Variants in PRP4K observed in about 807,000 individuals in gnomAD.
The protein encoded by PRP4K is pre-mRNA processing factor kinase PRP4K.
chr6:4,054,753 C>T, the PRP4K span, among the ~76,000 whole-genome samples: 11 of 151,978 alleles, frequency 7.2e-5, no homozygotes, highest in Non-Finnish European at 1.3e-4. Flanking sequence ...ATCTGCCCGC[C>T]TCGTCCTCCC....
chr6:4,025,586 A>G, the PRP4K span, among the ~76,000 whole-genome samples: 1 of 152,326 alleles, frequency 6.6e-6, no homozygotes, highest in East Asian at 1.9e-4. Flanking sequence ...TCTTGAGATA[A>G]TACTCATTAA....
At chr6:4,050,015 G>GTT in the PRP4K span, 4 of 27,300 alleles carry the variant, frequency 1.5e-4, no homozygotes, top group East Asian at 7.1e-4. Context: ...AATGGAAACA[G>GTT]TTGTTTTTTT....
the PRP4K span, among the ~76,000 whole-genome samples, chr6:4,040,171 C>T: frequency 4.0e-5 from 6 of 151,872 alleles, no homozygotes; most frequent in East Asian, 1.2e-3. Context: ...TGTACCACTG[C>T]ACCCAGCCCC....
the PRP4K span, chr6:4,032,840 G>C: frequency 1.5e-6 from 2 of 1,326,448 alleles, no homozygotes; most frequent in Non-Finnish European, 2.0e-6. Context: ...CATTAAAAAT[G>C]AAGTAGTAAG....
chr6:4,050,484 C>T, the PRP4K span: 1 of 252,352 alleles, frequency 4.0e-6, no homozygotes, highest in Non-Finnish European at 7.5e-6. Flanking sequence ...CTTATGCCGT[C>T]CTTTGCTTTA....
At chr6:4,056,240 T>G in the PRP4K span, 1 of 1,017,952 alleles carries the variant, frequency 9.8e-7, no homozygotes, top group Non-Finnish European at 1.5e-6. Context: ...TTAATAAAAC[T>G]TTTCAAAGCC....
the PRP4K span, chr6:4,044,178 TTAGAAATGTTCTC>T: frequency 7.6e-6 from 5 of 661,672 alleles, no homozygotes; most frequent in East Asian, 1.4e-4. Context: ...AAATATGTCC[TTAGAAATGTTCTC>T]TATAAATGTG....
At chr6:4,033,682 T>C in the PRP4K span, among the ~76,000 whole-genome samples, 2 of 152,232 alleles carry the variant, frequency 1.3e-5, no homozygotes, top group African/African-American at 4.8e-5. Context: ...ACTGTGTTCA[T>C]AATAATATTT....
chr6:4,042,051 A>T, the PRP4K span, among the ~76,000 whole-genome samples: 1 of 152,212 alleles, frequency 6.6e-6, no homozygotes, highest in Non-Finnish European at 1.5e-5. Context: ...AAATATTTGC[A>T]TGTGCATTTT....
the PRP4K span, among the ~76,000 whole-genome samples, chr6:4,053,109 ATAGATT>A: frequency 6.6e-6 from 1 of 152,184 alleles, no homozygotes; most frequent in Non-Finnish European, 1.5e-5. Flanking sequence ...CTTTTGACTG[ATAGATT>A]TAAAGTGTGC....
At chr6:4,038,111 G>C in the PRP4K span, among the ~76,000 whole-genome samples, 1 of 151,626 alleles carries the variant, frequency 6.6e-6, no homozygotes, top group Non-Finnish European at 1.5e-5. Flanking sequence ...AACATAAATG[G>C]GTATTTGTTT....
At chr6:4,025,324 A>T in the PRP4K span, among the ~76,000 whole-genome samples, 3 of 152,298 alleles carry the variant, frequency 2.0e-5, no homozygotes, top group South Asian at 4.2e-4. Flanking sequence ...GTCGTTGATG[A>T]TAAAGCTAAT....
chr6:4,047,901 T>TACACACACACAC, the PRP4K span, among the ~76,000 whole-genome samples: 43 of 142,108 alleles, frequency 3.0e-4, no homozygotes, highest in African/African-American at 9.4e-4. Context: ...CATGTATATG[T>TACACACACACAC]ACACACACAC....
At chr6:4,049,956 A>G in the PRP4K span, 3 of 1,460,646 alleles carry the variant, frequency 2.1e-6, no homozygotes, top group African/African-American at 4.3e-5. Flanking sequence ...CTATTTTTTT[A>G]AAGTGATACA....
the PRP4K span, chr6:4,021,403 G>T: frequency 6.4e-7 from 1 of 1,572,930 alleles, no homozygotes; most frequent in Admixed American, 1.9e-5. Flanking sequence ...CGCCACCGCC[G>T]CCGAGGAGTC....
the PRP4K span, chr6:4,052,579 A>G: frequency 8.0e-6 from 5 of 624,954 alleles, no homozygotes; most frequent in African/African-American, 5.5e-5. Context: ...AAAATGATTT[A>G]TCAAATGTGG....
At chr6:4,032,478 A>G in the PRP4K span, 2 of 1,614,148 alleles carry the variant, frequency 1.2e-6, no homozygotes, top group Non-Finnish European at 1.7e-6. Context: ...TGAAACTGAT[A>G]AAGAAAAGAA....
the PRP4K span, among the ~76,000 whole-genome samples, chr6:4,042,183 T>C: frequency 3.3e-5 from 5 of 152,192 alleles, no homozygotes; most frequent in Non-Finnish European, 7.3e-5. Flanking sequence ...TAAGGCTAGA[T>C]AGGTAAAGTG....
chr6:4,047,968 A>G, the PRP4K span, among the ~76,000 whole-genome samples: 1 of 151,808 alleles, frequency 6.6e-6, no homozygotes, highest in Admixed American at 6.6e-5. Context: ...ACACCAACCT[A>G]TAAATGAATT....
Sources: allele counts gnomAD v4.1 joint callset (sites outside exome capture counted in the v4.1 genomes callset), GRCh38; gene constraint gnomAD v4.1.1; transcripts MANE v1.5; gene names NCBI Gene and HGNC (gene_info 2026-07-23, HGNC 2026-07-21).